HSD17B12: variants seen among roughly 807,000 people sequenced by gnomAD.
HSD17B12 encodes the protein hydroxysteroid 17-beta dehydrogenase 12.
Under a neutral mutation model 39.3 loss-of-function variants are expected in HSD17B12, and 32 were observed. That is an observed-to-expected ratio of 0.81 (90% CI 0.61 to 1.09). HSD17B12 has a LOEUF of 1.09. HSD17B12 is among the 50% of genes least tolerant of loss of function. The pLI, the probability that HSD17B12 is intolerant of heterozygous loss-of-function variation, is 0.00. For synonymous variants in HSD17B12, 150 were observed against 146.7 expected, an observed-to-expected ratio of 1.02 and a Z score of -0.16; for missense variants, 342 against 382.9, an observed-to-expected ratio of 0.89 and a Z score of 0.89.
At chr11:43,680,403 C>T (rs541691057), upstream of HSD17B12, among the ~76,000 whole-genome samples, 352 of 152,334 alleles carry the variant, frequency 2.3e-3, 1 homozygote, top group Non-Finnish European at 3.9e-3. Context: ...TCTTTCCATT[C>T]ACTAGCGGCT....
chr11:43,583,462 G>A, the HSD17B12 span, among the ~76,000 whole-genome samples: 1 of 152,206 alleles, frequency 6.6e-6, no homozygotes, highest in Non-Finnish European at 1.5e-5. Flanking sequence ...ACTTTTGATC[G>A]GGGCTGGGAG....
At chr11:43,572,368 G>A in the HSD17B12 span, among the ~76,000 whole-genome samples, 4 of 152,160 alleles carry the variant, frequency 2.6e-5, no homozygotes, top group African/African-American at 4.8e-5. Flanking sequence ...GATCAGTCTC[G>A]TTATTCAGAA....
the HSD17B12 span, among the ~76,000 whole-genome samples, chr11:43,564,619 C>T: frequency 1.3e-5 from 2 of 152,178 alleles, no homozygotes; most frequent in Non-Finnish European, 2.9e-5. Context: ...GCAAATTGGA[C>T]CACAAATCCC....
chr11:43,749,632 T>C (rs780737122), intron 1 of HSD17B12, among the ~76,000 whole-genome samples: 17 of 151,796 alleles, frequency 1.1e-4, no homozygotes, highest in African/African-American at 4.1e-4. Context: ...TTTCAACTTT[T>C]TTTTTCTTTT....
the HSD17B12 span, among the ~76,000 whole-genome samples, chr11:43,580,934 C>G: frequency 6.6e-6 from 1 of 151,966 alleles, no homozygotes; most frequent in Admixed American, 6.5e-5. Context: ...TTTCTCTTTA[C>G]GCAGCGCCTG....
At chr11:43,726,321 T>C (rs1950219581) in intron 1 of HSD17B12, among the ~76,000 whole-genome samples, 1 of 152,114 alleles carries the variant, frequency 6.6e-6, no homozygotes, top group Non-Finnish European at 1.5e-5. Flanking sequence ...TCTCATTCCA[T>C]AATCCAGGGG....
intron 1 of HSD17B12, among the ~76,000 whole-genome samples, chr11:43,690,396 ATATATATATTTT>A (rs1260918440): frequency 3.6e-5 from 1 of 27,410 alleles, no homozygotes; most frequent in East Asian, 9.7e-4. Context: ...ATATATATAT[ATATATATATTTT>A]TTTTTTTTTT....
chr11:43,631,946 C>A, the HSD17B12 span, among the ~76,000 whole-genome samples: 1 of 152,106 alleles, frequency 6.6e-6, no homozygotes, highest in East Asian at 1.9e-4. Flanking sequence ...CAGGCCCACA[C>A]CTGGGTTGGA....
At chr11:43,769,583 A>T (rs1302347920) in intron 3 of HSD17B12, among the ~76,000 whole-genome samples, 1 of 152,114 alleles carries the variant, frequency 6.6e-6, no homozygotes, top group East Asian at 1.9e-4. Context: ...GTTTTCCTTT[A>T]TGGTATTAAT....
chr11:43,734,033 G>GATCCTC, intron 1 of HSD17B12: 1 of 762,272 alleles, frequency 1.3e-6, no homozygotes, highest in Non-Finnish European at 2.4e-6. Context: ...TCACACGGCG[G>GATCCTC]ATCCTCTTCC....
At chr11:43,847,447 A>G (rs956984870) in intron 9 of HSD17B12, among the ~76,000 whole-genome samples, 3 of 152,148 alleles carry the variant, frequency 2.0e-5, no homozygotes, top group South Asian at 4.1e-4. Flanking sequence ...GCTCACGCCT[A>G]TAATCCCAGC....
chr11:43,768,073 A>G (rs908717131), intron 3 of HSD17B12, among the ~76,000 whole-genome samples: 2 of 152,198 alleles, frequency 1.3e-5, no homozygotes, highest in Non-Finnish European at 1.5e-5. Context: ...CATCCAGTGA[A>G]TGGCACAACT....
chr11:43,587,632 G>A, the HSD17B12 span, among the ~76,000 whole-genome samples: 235 of 152,360 alleles, frequency 1.5e-3, 1 homozygote, highest in South Asian at 5.4e-3. Context: ...CAAGGCAGAC[G>A]TGGAGCTGAG....
chr11:43,571,147 A>C, the HSD17B12 span, among the ~76,000 whole-genome samples: 1 of 152,210 alleles, frequency 6.6e-6, no homozygotes, highest in Non-Finnish European at 1.5e-5. Flanking sequence ...AGTTCTGCTA[A>C]TTCAGACCTA....
At chr11:43,669,962 G>A in the HSD17B12 span, among the ~76,000 whole-genome samples, 1 of 152,166 alleles carries the variant, frequency 6.6e-6, no homozygotes, top group Non-Finnish European at 1.5e-5. Flanking sequence ...TGCTTGCAGG[G>A]GATTTGTAAT....
chr11:43,787,859 A>G (rs1333737116), intron 3 of HSD17B12, among the ~76,000 whole-genome samples: 1 of 152,148 alleles, frequency 6.6e-6, no homozygotes, highest in Non-Finnish European at 1.5e-5. Flanking sequence ...AATAAAATCA[A>G]CTGTTAAGCT....
At chr11:43,677,204 C>T (rs116639317), upstream of HSD17B12, among the ~76,000 whole-genome samples, 806 of 152,218 alleles carry the variant, frequency 5.3e-3, 9 homozygotes, top group African/African-American at 0.019. Context: ...AGAAATAAGG[C>T]TCAAATTGAA....
chr11:43,567,800 TATTTC>T, the HSD17B12 span, among the ~76,000 whole-genome samples: 1 of 152,258 alleles, frequency 6.6e-6, no homozygotes, highest in Non-Finnish European at 1.5e-5. Flanking sequence ...TTGTGTGCAT[TATTTC>T]ATTTAATACT....
At position 43,855,276 on chromosome 11, in the gene HSD17B12, C is replaced by T; in HGVS notation, c.*28C>T. 1 of 1,427,650 alleles carries T rather than the reference C, an allele frequency of 7.0e-7. No homozygotes were observed. The highest frequency in any genetic ancestry group is 1.9e-4 in the Middle Eastern group (1 of 5,262). The allele number at this position is 1,427,650 out of a possible 1,614,324, so 88.4% of individuals were successfully genotyped here. On this transcript the variant is annotated 3_prime_UTR_variant, in exon 11 of 11. Transcript: ENST00000278353. ...ATTGATAACTGCATTGTAACTTGGC[C>T]AGATGCTCCAGCATATGCACGTTCA...
Sources: gnomAD v4.1 joint callset for allele counts (sites outside exome capture counted in the v4.1 genomes callset) on GRCh38, gnomAD v4.1.1 for gene constraint, MANE v1.5 for transcripts, NCBI Gene and HGNC (gene_info 2026-07-23, HGNC 2026-07-21) for gene names.